DMD: variants seen among roughly 807,000 people sequenced by gnomAD.
DMD encodes the protein mutant dystrophin.
In DMD, 63 loss-of-function variants were observed where a neutral mutation model predicts 330.1. The observed-to-expected ratio is 0.19, with a 90% CI of 0.16 to 0.24. The LOEUF (loss-of-function observed/expected upper bound fraction) is 0.24, where lower values mean the gene tolerates loss of function less well. Among genes scored for constraint, DMD ranks in the 10% least tolerant of loss-of-function variants. The probability of loss-of-function intolerance (pLI) is 1.00; values close to 1 mark genes in which losing one functional copy is unlikely to be tolerated. For synonymous variants in DMD, 1,223 were observed against 959.8 expected (o/e 1.27, Z -5.07); for missense variants, 3,344 against 2,684.1 (o/e 1.25, Z -5.43).
At chrX:32,241,660 T>C (rs1158104828) in intron 43 of DMD, among the ~76,000 whole-genome samples, 1 of 112,621 alleles carries the variant, frequency 8.9e-6, no homozygotes, top group Non-Finnish European at 1.9e-5. Context: ...CTGCTTTACA[T>C]TTCTGTAAAT....
intron 41 of DMD, among the ~76,000 whole-genome samples, chrX:32,312,942 C>CAAAAAAAAAAAAAAAAATAAAAAAAA (rs2097568936): frequency 4.9e-5 from 1 of 20,377 alleles, no homozygotes; most frequent in Non-Finnish European, 9.7e-5. Context: ...GCCTACGAAC[C>CAAAAAAAAAAAAAAAAATAAAAAAAA]AAAAAAAAAA....
At chrX:32,723,522 A>C (rs1218066559) in intron 7 of DMD, among the ~76,000 whole-genome samples, 1 of 111,556 alleles carries the variant, frequency 9.0e-6, no homozygotes, top group Non-Finnish European at 1.9e-5. Context: ...GTTTGGAAGA[A>C]ATGAGGAGAA....
At position 32,375,149 on chromosome X, in the gene DMD, C is replaced by T. The variant is rs1035332876; in HGVS notation, c.4845+5361G>A. 2.7e-5 allele frequency among the ~76,000 whole-genome samples: 3 copies of T among 110,882 alleles called. No homozygotes were observed. In the East Asian group the frequency reaches 8.5e-4, roughly 31 times the overall value. On this transcript the variant is annotated intron_variant, in intron 34 of 78. Coordinates refer to ENST00000357033, the MANE Select transcript of DMD (RefSeq NM_004006.3). Reference sequence around the variant, plus strand: ...ATGAAAATTCTCAGTTCTCGGTTTGCGCTATTCATTCCCTTGACTCTGCTT... The same window carrying T: ...ATGAAAATTCTCAGTTCTCGGTTTGTGCTATTCATTCCCTTGACTCTGCTT...
chrX:32,440,055 G>A (rs1429889090), intron 28 of DMD, among the ~76,000 whole-genome samples: 1 of 111,429 alleles, frequency 9.0e-6, no homozygotes, highest in Non-Finnish European at 1.9e-5. Context: ...GAAACTGTGA[G>A]AGCAAGAATT....
In DMD at chrX:31,811,640, T is replaced by C. The variant is rs1769986490; in HGVS notation, c.7309+8335A>G. 5.3e-5 allele frequency among the ~76,000 whole-genome samples: 6 copies of C among 112,163 alleles called. No homozygotes were observed. In the South Asian group the frequency reaches 2.2e-3, roughly 42 times the overall value. ...TCACATTTTTTGTACAAAAGCTTGCTCCTGACGTATTAGACTTTGAGGAAG... is the reference window on the plus strand; with the variant it reads ...TCACATTTTTTGTACAAAAGCTTGCCCCTGACGTATTAGACTTTGAGGAAG... On this transcript the variant is annotated intron_variant, in intron 50 of 78. Transcript: ENST00000357033.
At chrX:32,479,504 G>A (rs1264490847) in intron 21 of DMD, among the ~76,000 whole-genome samples, 1 of 108,821 alleles carries the variant, frequency 9.2e-6, no homozygotes, top group African/African-American at 3.3e-5. Context: ...CTTTTTTTTG[G>A]ATTTCTCATA....
chrX:31,937,815 G>T (rs186650425), intron 45 of DMD, among the ~76,000 whole-genome samples: 6 of 111,991 alleles, frequency 5.4e-5, no homozygotes, highest in Non-Finnish European at 7.5e-5. Context: ...CAGACAAGTG[G>T]TAGTAATAAT....
At chrX:32,045,434 T>C (rs2096057605) in intron 44 of DMD, among the ~76,000 whole-genome samples, 1 of 108,171 alleles carries the variant, frequency 9.2e-6, no homozygotes, top group South Asian at 4.2e-4. Context: ...TCTTCCACTA[T>C]GAGTAAAAGC....
intron 54 of DMD, among the ~76,000 whole-genome samples, chrX:31,636,579 C>T (rs1364087916): frequency 9.0e-6 from 1 of 110,997 alleles, no homozygotes; most frequent in Non-Finnish European, 1.9e-5. Flanking sequence ...AATGACAAAT[C>T]TTGAAACAAT....
Position 31,606,242 on chromosome X carries a change from A to G in DMD, c.8217+21431T>C, listed in dbSNP as rs1392518731. Among the ~76,000 whole-genome samples, 4 of 112,090 alleles carry G rather than the reference A, an allele frequency of 3.6e-5. No homozygotes were observed. The East Asian group carries it at 8.5e-4, about 24-fold the overall frequency. ...CCCAGCCATGTGGAACTGTGAGTCA[A>G]TTAAACCTCTTTCCTTTAGAAATTA... On this transcript the variant is annotated intron_variant, in intron 55 of 78. Coordinates refer to ENST00000357033, the MANE Select transcript of DMD (RefSeq NM_004006.3).
intron 60 of DMD, among the ~76,000 whole-genome samples, chrX:31,433,846 G>T (rs1208415014): frequency 9.9e-6 from 1 of 101,295 alleles, no homozygotes; most frequent in Non-Finnish European, 1.9e-5. Context: ...TACGTCTTCA[G>T]AAATTATAGT....
chrX:32,394,275 A>C (rs769986847), intron 30 of DMD, among the ~76,000 whole-genome samples: 58 of 112,140 alleles, frequency 5.2e-4, no homozygotes, highest in Admixed American at 8.5e-4. Flanking sequence ...AGACGCAAGA[A>C]GTTGAATGCT....
intron 1 of DMD, among the ~76,000 whole-genome samples, chrX:33,144,299 A>C (rs1385991412): frequency 4.5e-5 from 5 of 111,194 alleles, no homozygotes; most frequent in African/African-American, 1.6e-4. Context: ...GGTGATGAAG[A>C]GGGGCTTGTT....
intron 60 of DMD, among the ~76,000 whole-genome samples, chrX:31,368,971 G>A (rs745372988): frequency 9.0e-6 from 1 of 111,633 alleles, no homozygotes; most frequent in African/African-American, 3.3e-5. Flanking sequence ...ATTCTGTGAT[G>A]AGGTAACCCC....
At chrX:32,644,892 T>C (rs191140295) in intron 10 of DMD, 72 bp downstream of exon 10, 43 of 1,116,947 alleles carry the variant, frequency 3.8e-5, no homozygotes, top group Non-Finnish European at 4.9e-5. Flanking sequence ...AAGAGAGTAA[T>C]TGAGGAAAAA....
intron 1 of DMD, among the ~76,000 whole-genome samples, chrX:33,239,321 T>C (rs1289413682): frequency 9.8e-6 from 1 of 102,403 alleles, no homozygotes; most frequent in African/African-American, 3.6e-5. Context: ...TCAGGCACAT[T>C]CCAAACCTAC....
At chrX:32,538,224 G>T (rs964489913) in intron 17 of DMD, among the ~76,000 whole-genome samples, 5 of 112,116 alleles carry the variant, frequency 4.5e-5, no homozygotes, top group African/African-American at 6.5e-5. Flanking sequence ...CGTCCAGATG[G>T]CCTGAAGCAA....
At chrX:31,951,860 G>C (rs976393986) in intron 45 of DMD, among the ~76,000 whole-genome samples, 1 of 111,213 alleles carries the variant, frequency 9.0e-6, no homozygotes, top group Non-Finnish European at 1.9e-5. Flanking sequence ...CAGCCTGAAT[G>C]ACTTTATTTA....
At chrX:31,282,686 G>A (rs1336189589) in intron 62 of DMD, among the ~76,000 whole-genome samples, 1 of 111,556 alleles carries the variant, frequency 9.0e-6, no homozygotes. Flanking sequence ...TACAATCAAA[G>A]GAATTTTGTG....
Sources: gnomAD v4.1 joint callset for allele counts (sites outside exome capture counted in the v4.1 genomes callset) on GRCh38, gnomAD v4.1.1 for gene constraint, MANE v1.5 for transcripts, NCBI Gene and HGNC (gene_info 2026-07-23, HGNC 2026-07-21) for gene names.